LIPA: variants seen among roughly 807,000 people sequenced by gnomAD.
The protein encoded by LIPA is lysosomal acid lipase/cholesteryl ester hydrolase.
LIPA carries 26 observed loss-of-function variants against 40.6 expected under a neutral mutation model. The ratio of observed to expected loss-of-function variants is 0.64; its 90% CI spans 0.47 to 0.89. The LOEUF is 0.89. Ranked by LOEUF, LIPA falls within the 40% of genes least tolerant of loss-of-function variation. The pLI is 0.00. For missense variants in LIPA, 455 were observed against 479.6 expected (o/e 0.95, Z 0.48); for synonymous variants, 188 against 168.4 (o/e 1.12, Z -0.90).
intron 2 of LIPA, among the ~76,000 whole-genome samples, chr10:89,365,969 T>C (rs911236956): frequency 5.3e-5 from 8 of 152,234 alleles, no homozygotes; most frequent in Non-Finnish European, 1.2e-4. Flanking sequence ...TTAAAGTAGT[T>C]TCTTCCAATT....
At chr10:89,253,343 C>A (rs1843158179), upstream of LIPA, among the ~76,000 whole-genome samples, 1 of 152,126 alleles carries the variant, frequency 6.6e-6, no homozygotes, top group South Asian at 2.1e-4. Context: ...TGGCAGAAGG[C>A]AAAAGGCTTG....
At chr10:89,243,830 G>C (rs146465104) in intron 3 of LIPA, among the ~76,000 whole-genome samples, 640 of 152,308 alleles carry the variant, frequency 4.2e-3, no homozygotes, top group Non-Finnish European at 6.1e-3. Flanking sequence ...CTGGATATAG[G>C]AGGAGAGCTC....
chr10:89,299,805 T>C (rs115666238), intron 1 of LIPA, among the ~76,000 whole-genome samples: 4,494 of 152,134 alleles, frequency 0.03, 218 homozygotes, highest in African/African-American at 0.1. Context: ...GGAACTCTTA[T>C]ACACTGTTGG....
chr10:89,306,483 C>T (rs769231031), intron 1 of LIPA: 48 of 1,614,022 alleles, frequency 3.0e-5, no homozygotes, highest in Non-Finnish European at 3.7e-5. Context: ...GAATTCACCT[C>T]TGGACTGGCA....
At chr10:89,262,205 A>G (rs1410969049) in intron 1 of LIPA, among the ~76,000 whole-genome samples, 1 of 152,120 alleles carries the variant, frequency 6.6e-6, no homozygotes, top group East Asian at 1.9e-4. Flanking sequence ...CTCATTTAGC[A>G]CACACAAATG....
intron 1 of LIPA, among the ~76,000 whole-genome samples, chr10:89,264,735 G>T (rs1843226480): frequency 4.6e-5 from 7 of 152,206 alleles, no homozygotes. Context: ...GGCGGCCATG[G>T]GTGGGCCCAG....
chr10:89,370,000 C>A (rs1844082568), intron 2 of LIPA, among the ~76,000 whole-genome samples: 3 of 152,378 alleles, frequency 2.0e-5, no homozygotes, highest in Middle Eastern at 3.4e-3. Context: ...GTGCTGCTTC[C>A]ATCAGGTGTG....
chr10:89,279,458 G>T (rs1398682360), intron 1 of LIPA, among the ~76,000 whole-genome samples: 1 of 152,178 alleles, frequency 6.6e-6, no homozygotes, highest in African/African-American at 2.4e-5. Flanking sequence ...TCTACCAGGT[G>T]GCAGAATATA....
intron 2 of LIPA, among the ~76,000 whole-genome samples, chr10:89,373,129 C>G (rs1018242951): frequency 6.6e-6 from 1 of 151,412 alleles, no homozygotes; most frequent in African/African-American, 2.4e-5. Context: ...GTCAGGAGAT[C>G]GAGACCATCC....
At chr10:89,268,927 A>C (rs1037177091) in intron 1 of LIPA, among the ~76,000 whole-genome samples, 1 of 151,092 alleles carries the variant, frequency 6.6e-6, no homozygotes, top group Non-Finnish European at 1.5e-5. Flanking sequence ...CGGAGCTTGC[A>C]GTGAGCCAAG....
intron 1 of LIPA, among the ~76,000 whole-genome samples, chr10:89,295,444 A>T (rs1228683990): frequency 6.6e-6 from 1 of 152,222 alleles, no homozygotes; most frequent in Non-Finnish European, 1.5e-5. Context: ...CATTCAATAT[A>T]TTATTTGGTT....
chr10:89,385,794 A>T (rs1844207158), intron 2 of LIPA, among the ~76,000 whole-genome samples: 1 of 152,192 alleles, frequency 6.6e-6, no homozygotes, highest in Non-Finnish European at 1.5e-5. Flanking sequence ...ACCCAAACAC[A>T]CTGCTGGACA....
chr10:89,298,040 C>A (rs905335945), intron 1 of LIPA, among the ~76,000 whole-genome samples: 12 of 152,232 alleles, frequency 7.9e-5, no homozygotes, highest in Non-Finnish European at 1.5e-4. Flanking sequence ...CAACCCTGCA[C>A]CACAGCCACT....
chr10:89,390,174 C>T (rs555677526), intron 2 of LIPA, among the ~76,000 whole-genome samples: 7 of 151,868 alleles, frequency 4.6e-5, no homozygotes, highest in Non-Finnish European at 8.8e-5. Flanking sequence ...TTAGTAGAGA[C>T]GGGGTTTCTC....
intron 2 of LIPA, among the ~76,000 whole-genome samples, chr10:89,378,982 G>C (rs968935063): frequency 6.6e-6 from 1 of 152,230 alleles, no homozygotes; most frequent in Non-Finnish European, 1.5e-5. Flanking sequence ...CCGGGGACCA[G>C]TCAGGGCAAG....
At chr10:89,332,561 G>A in intron 1 of LIPA, 1 of 1,613,864 alleles carries the variant, frequency 6.2e-7, no homozygotes, top group Non-Finnish European at 8.5e-7. Context: ...CTTGGAATCA[G>A]TAAGCTAAAA....
intron 1 of LIPA, among the ~76,000 whole-genome samples, chr10:89,267,729 T>TAA (rs56037485): frequency 0.047 from 5,768 of 121,586 alleles, 149 homozygotes; most frequent in Non-Finnish European, 0.076. Context: ...TAAAGTATAA[T>TAA]AAAAAAAAAA....
chr10:89,295,000 A>AGAAAGGAAATGAAATGAAAGGAAAG (rs1843403781), intron 1 of LIPA, among the ~76,000 whole-genome samples: 1 of 101,492 alleles, frequency 9.9e-6, no homozygotes, highest in Non-Finnish European at 2.1e-5. Context: ...AAAAAAAGGA[A>AGAAAGGAAATGAAATGAAAGGAAAG]GAAAGGAAAG....
Position 89,250,098 on chromosome 10 carries a change from C to CTTTCTTTT in LIPA, c.-2+1638_-2+1639insAAAAGAAA, listed in dbSNP as rs1564767178. Reference sequence around the variant, plus strand: ...TCTTTTTTCTTTTTCTTTTTCTTTTCTTTTCTTTCTTTTTTTTTTTTGAGA... The same window carrying CTTTCTTTT: ...TCTTTTTTCTTTTTCTTTTTCTTTTCTTTCTTTTTTTTCTTTCTTTTTTTTTTTTGAGA... On this transcript the variant is annotated intron_variant, in intron 1 of 9. Coordinates refer to ENST00000336233, the MANE Select transcript of LIPA (RefSeq NM_000235.4). Among the ~76,000 whole-genome samples the CTTTCTTTT allele has an allele frequency of 5.4e-3, 543 of 101,416 alleles. 17 individuals are homozygous for CTTTCTTTT. Among genetic ancestry groups the CTTTCTTTT allele is most frequent in the African/African-American group, 0.018 (456 of 24,746 alleles). The allele number at this position is 101,416 out of a possible 152,430, so 66.5% of individuals were successfully genotyped here.
Sources: allele counts gnomAD v4.1 joint callset (sites outside exome capture counted in the v4.1 genomes callset), GRCh38; gene constraint gnomAD v4.1.1; transcripts MANE v1.5; gene names NCBI Gene and HGNC (gene_info 2026-07-23, HGNC 2026-07-21).